The following PDE4D variants were observed in gnomAD, a reference collection of about 807,000 sequenced individuals.
PDE4D encodes the protein 3',5'-cyclic-AMP phosphodiesterase 4D.
A neutral mutation model predicts 87.4 loss-of-function variants in PDE4D; 24 were observed. The ratio of observed to expected loss-of-function variants is 0.27; its 90% CI spans 0.20 to 0.39. The LOEUF (loss-of-function observed/expected upper bound fraction) is 0.39. Ranked by LOEUF, PDE4D falls within the 10% of genes least tolerant of loss-of-function variation. The probability of loss-of-function intolerance (pLI) is 1.00; values close to 1 mark genes in which losing one functional copy is unlikely to be tolerated. For synonymous variants in PDE4D, 384 were observed against 383.2 expected, an observed-to-expected ratio of 1.00 and a Z score of -0.02; for missense variants, 714 against 1,041.0, an observed-to-expected ratio of 0.69 and a Z score of 4.32.
chr5:59,933,771 G>GATATAT (rs11442370), intron 3 of PDE4D, among the ~76,000 whole-genome samples: 2 of 25,994 alleles, frequency 7.7e-5, no homozygotes, highest in Non-Finnish European at 1.4e-4. Flanking sequence ...TGTAAAAGGA[G>GATATAT]ATATATATAT....
chr5:60,436,801 A>G (rs2150125463), intron 1 of PDE4D, among the ~76,000 whole-genome samples: 1 of 152,170 alleles, frequency 6.6e-6, no homozygotes, highest in South Asian at 2.1e-4. Flanking sequence ...GGCTCAATGA[A>G]GTAATGGGCT....
At chr5:59,183,238 T>C (rs889985757) in intron 4 of PDE4D, among the ~76,000 whole-genome samples, 5 of 152,192 alleles carry the variant, frequency 3.3e-5, no homozygotes, top group African/African-American at 1.2e-4. Context: ...AAGACCACAG[T>C]GGCCTTTACT....
At chr5:60,103,555 A>G (rs1463556220) in intron 2 of PDE4D, among the ~76,000 whole-genome samples, 1 of 152,210 alleles carries the variant, frequency 6.6e-6, no homozygotes, top group Admixed American at 6.5e-5. Context: ...GCTAGAATTT[A>G]TATAACTATG....
intron 1 of PDE4D, among the ~76,000 whole-genome samples, chr5:59,346,064 A>G (rs1329821704): frequency 6.6e-6 from 1 of 152,120 alleles, no homozygotes; most frequent in Admixed American, 6.5e-5. Flanking sequence ...AACACTATGA[A>G]TGAATCCCAT....
At chr5:59,091,552 G>A (rs1186188778) in intron 5 of PDE4D, among the ~76,000 whole-genome samples, 1 of 152,048 alleles carries the variant, frequency 6.6e-6, no homozygotes, top group Non-Finnish European at 1.5e-5. Flanking sequence ...TCTACAAGAT[G>A]AGTCCATTTA....
chr5:60,169,933 C>T (rs145958846), intron 2 of PDE4D, among the ~76,000 whole-genome samples: 122 of 151,962 alleles, frequency 8.0e-4, no homozygotes, highest in African/African-American at 2.7e-3. Flanking sequence ...TTTGCATTAT[C>T]GACATGAAAA....
At position 59,183,284 on chromosome 5, in the gene PDE4D, C is replaced by T. The variant is rs114363881; in HGVS notation, c.758+1905G>A. Among the ~76,000 whole-genome samples, 569 of 152,274 alleles carry T rather than the reference C, an allele frequency of 3.7e-3. 3 individuals are homozygous for T. Among genetic ancestry groups the T allele is most frequent in the African/African-American group, 0.012 (484 of 41,554 alleles). On this transcript the variant is annotated intron_variant, in intron 4 of 14. Transcript: ENST00000340635. ...CAGATAATACTGTTTGGTTAGATGT[C>T]ACCCTGGGCATTGACAAGGCAGAGA...
chr5:59,252,059 A>G (rs1397235066), intron 1 of PDE4D, among the ~76,000 whole-genome samples: 2 of 152,152 alleles, frequency 1.3e-5, no homozygotes, highest in Admixed American at 1.3e-4. Context: ...AGCAGAAAAG[A>G]TAACTATTAG....
Position 59,189,258 on chromosome 5 carries a change from T to G in PDE4D, c.685-3996A>C, listed in dbSNP as rs1229033086. On this transcript the variant is annotated intron_variant, in intron 3 of 14. Coordinates refer to ENST00000340635, the MANE Select transcript of PDE4D (RefSeq NM_001104631.2). ...TTTTTTTTTTTGTTTTTTTTGTTTT[T>G]TTTTTTTTGAGACGGAGTTTTGCTC... 5.4e-4 allele frequency among the ~76,000 whole-genome samples: 79 copies of G among 145,130 alleles called. 1 individual carries two copies. The highest frequency in any genetic ancestry group is 1.9e-3 in the African/African-American group (76 of 39,230).
intron 1 of PDE4D, among the ~76,000 whole-genome samples, chr5:59,512,100 G>A (rs151216795): frequency 6.6e-6 from 1 of 152,210 alleles, no homozygotes; most frequent in Non-Finnish European, 1.5e-5. Context: ...TCACAGTCAT[G>A]TAAAATGTCT....
At chr5:60,445,181 G>A (rs548647446) in intron 1 of PDE4D, among the ~76,000 whole-genome samples, 1 of 152,198 alleles carries the variant, frequency 6.6e-6, no homozygotes, top group African/African-American at 2.4e-5. Context: ...ACGACCATCT[G>A]GTCAGGAGAT....
intron 5 of PDE4D, among the ~76,000 whole-genome samples, chr5:59,045,405 T>C (rs1481415990): frequency 1.3e-5 from 2 of 151,786 alleles, no homozygotes; most frequent in African/African-American, 4.8e-5. Context: ...AATACAAAAT[T>C]AGTCGGGCTT....
chr5:59,483,704 T>C (rs954518737), intron 1 of PDE4D, among the ~76,000 whole-genome samples: 15 of 152,070 alleles, frequency 9.9e-5, no homozygotes, highest in African/African-American at 3.4e-4. Context: ...GGTACCAAAA[T>C]GACCACATAC....
chr5:59,065,711 A>G (rs530080103), intron 5 of PDE4D, among the ~76,000 whole-genome samples: 32 of 152,168 alleles, frequency 2.1e-4, no homozygotes, highest in South Asian at 1.4e-3. Context: ...AAGGAGTACA[A>G]TGAAAACTTA....
intron 1 of PDE4D, among the ~76,000 whole-genome samples, chr5:59,891,785 G>GCACACACA (rs905733153): frequency 3.8e-4 from 25 of 66,404 alleles, no homozygotes; most frequent in Admixed American, 1.8e-3. Flanking sequence ...AGAGAGACAT[G>GCACACACA]CTCACACACA....
At chr5:59,384,183 G>T (rs1786495415) in intron 1 of PDE4D, among the ~76,000 whole-genome samples, 1 of 152,168 alleles carries the variant, frequency 6.6e-6, no homozygotes, top group Admixed American at 6.5e-5. Context: ...TAGGATTATA[G>T]GCGTGAGCCA....
chr5:59,435,321 C>T (rs1796647887), intron 1 of PDE4D, among the ~76,000 whole-genome samples: 1 of 151,990 alleles, frequency 6.6e-6, no homozygotes, highest in African/African-American at 2.4e-5. Flanking sequence ...ATTTAAATTC[C>T]AATACTCAGC....
chr5:59,452,170 GA>G (rs151164642), intron 1 of PDE4D, among the ~76,000 whole-genome samples: 1 of 152,236 alleles, frequency 6.6e-6, no homozygotes, highest in Non-Finnish European at 1.5e-5. Flanking sequence ...GGACACTTCT[GA>G]TCTAGAATAT....
intron 2 of PDE4D, among the ~76,000 whole-genome samples, chr5:60,063,692 T>G (rs529092046): frequency 6.6e-6 from 1 of 152,206 alleles, no homozygotes; most frequent in African/African-American, 2.4e-5. Flanking sequence ...TCTAAAATAT[T>G]TAAGTGCTAA....
Sources: allele counts gnomAD v4.1 joint callset (sites outside exome capture counted in the v4.1 genomes callset), GRCh38; gene constraint gnomAD v4.1.1; transcripts MANE v1.5; gene names NCBI Gene and HGNC (gene_info 2026-07-23, HGNC 2026-07-21).